Variants in RAP1B observed in about 807,000 individuals in gnomAD.
The protein encoded by RAP1B is RAP1B, member of RAS oncogene family.
In RAP1B, 1 loss-of-function variant was observed where a neutral mutation model predicts 27.5. That is an observed-to-expected ratio of 0.04 (90% CI 0.01 to 0.17). The LOEUF is 0.17. Ranked by LOEUF, RAP1B falls within the 10% of genes least tolerant of loss-of-function variation. The probability of loss-of-function intolerance (pLI) is 1.00; values close to 1 mark genes in which losing one functional copy is unlikely to be tolerated. For synonymous variants in RAP1B, 75 were observed against 73.1 expected, an observed-to-expected ratio of 1.03 and a Z score of -0.13; for missense variants, 84 against 214.8, an observed-to-expected ratio of 0.39 and a Z score of 3.81.
chr12:68,655,666 G>T (rs1348755314), intron 5 of RAP1B, among the ~76,000 whole-genome samples: 2 of 151,526 alleles, frequency 1.3e-5, no homozygotes, highest in African/African-American at 2.4e-5. Context: ...CTCCCAAGTA[G>T]CTGGAATTAC....
Position 68,664,711 on chromosome 12 carries a change from A to G in RAP1B, c.*5462A>G, listed in dbSNP as rs997673134. On this transcript the variant is annotated 3_prime_UTR_variant, in exon 8 of 8. Coordinates refer to ENST00000250559, the MANE Select transcript of RAP1B (RefSeq NM_001010942.3). ...GCAACAGAGTGAGACTGCAAAAAAA[A>G]GAAAAAGAAAAAAAAATCCAGTCTC... is the stretch of plus-strand genomic sequence containing the variant. 8 of 152,028 alleles carry G rather than the reference A, an allele frequency of 5.3e-5. No homozygotes were observed. Among genetic ancestry groups the G allele is most frequent in the African/African-American group, 1.9e-4 (8 of 41,382 alleles). The allele number at this position is 152,028 out of a possible 1,614,324, so 9.4% of individuals were successfully genotyped here.
chr12:68,618,086 C>CTTTTTTTTTT (rs36224976), intron 1 of RAP1B, among the ~76,000 whole-genome samples: 15 of 60,792 alleles, frequency 2.5e-4, no homozygotes, highest in South Asian at 1.1e-3. Context: ...TTCTATAAAG[C>CTTTTTTTTTT]TTTTTTTTTT....
intron 1 of RAP1B, among the ~76,000 whole-genome samples, chr12:68,638,294 GTAT>G (rs1872763043): frequency 6.6e-6 from 1 of 151,962 alleles, no homozygotes; most frequent in Non-Finnish European, 1.5e-5. Flanking sequence ...TTTATTTGTG[GTAT>G]TATTTGAAGA....
At chr12:68,653,880 G>A (rs913407800) in intron 4 of RAP1B, among the ~76,000 whole-genome samples, 1 of 151,772 alleles carries the variant, frequency 6.6e-6, no homozygotes, top group Admixed American at 6.6e-5. Flanking sequence ...GCAGTGAGCC[G>A]AGGTCGCGCC....
chr12:68,668,293 T>C lies in RAP1B; in HGVS notation c.*9044T>C, dbSNP rs1038724862. 3.9e-5 allele frequency: 6 copies of C among 152,232 alleles called. No individual in the cohort carries two copies. Among genetic ancestry groups the C allele is most frequent in the African/African-American group, 1.4e-4 (6 of 41,460 alleles). The allele number at this position is 152,232 out of a possible 1,614,324, so 9.4% of individuals were successfully genotyped here. A position where few individuals can be genotyped will look rare whatever the true frequency, so the allele number is the denominator to read the frequency against. ...TTTACAGTGCCACTACCTACCTCCATACTGTATCAGAGGAGCCAGTTGCAC... is the reference window on the plus strand; with the variant it reads ...TTTACAGTGCCACTACCTACCTCCACACTGTATCAGAGGAGCCAGTTGCAC... On this transcript the variant is annotated 3_prime_UTR_variant, in exon 8 of 8. Coordinates refer to ENST00000250559, the MANE Select transcript of RAP1B (RefSeq NM_001010942.3).
At chr12:68,626,102 G>A (rs939991609) in intron 1 of RAP1B, among the ~76,000 whole-genome samples, 23 of 152,146 alleles carry the variant, frequency 1.5e-4, no homozygotes, top group African/African-American at 5.6e-4. Context: ...GAAACAGACT[G>A]TAAAATCATG....
rs1303119542 is a variant in RAP1B, at chr12:68,649,599, C to A, written c.58-801C>A. 2.0e-5 allele frequency: 3 copies of A among 152,242 alleles called. No homozygotes were observed. The East Asian group carries it at 5.8e-4, about 29-fold the overall frequency. 9.4% of individuals were successfully genotyped at this position (152,242 alleles called of 1,614,324 possible). On this transcript the variant is annotated intron_variant, in intron 2 of 7. Transcript: ENST00000250559. Reference sequence around the variant, plus strand: ...AAAGCCTCACAAGCAAATAGATTGACCTTCTGTCTCACTCATAAGATAAAC... The same window carrying A: ...AAAGCCTCACAAGCAAATAGATTGAACTTCTGTCTCACTCATAAGATAAAC...
chr12:68,624,038 A>AG (rs549428372), intron 1 of RAP1B, among the ~76,000 whole-genome samples: 124 of 152,042 alleles, frequency 8.2e-4, no homozygotes, highest in East Asian at 3.3e-3. Context: ...AAAAAAAAAA[A>AG]AGAGAGAGAG....
At chr12:68,615,584 CAAA>C (rs570915847) in intron 1 of RAP1B, among the ~76,000 whole-genome samples, 1 of 132,432 alleles carries the variant, frequency 7.6e-6, no homozygotes, top group East Asian at 2.2e-4. Flanking sequence ...GTGAGACTGT[CAAA>C]AAAAAAAAAA....
Position 68,671,142 on chromosome 12 carries a change from C to T in RAP1B, c.*11893C>T, listed in dbSNP as rs980090675. Reference sequence around the variant, plus strand: ...AATGGCCCATCAACATAAAAAGATGCTCTAACTGTAGCCAGAGAAATACGA... The same window carrying T: ...AATGGCCCATCAACATAAAAAGATGTTCTAACTGTAGCCAGAGAAATACGA... On this transcript the variant is annotated 3_prime_UTR_variant, in exon 8 of 8. Transcript: ENST00000250559. 6.6e-6 allele frequency: 1 copy of T among 151,548 alleles called. No homozygotes were observed. Among genetic ancestry groups the T allele is most frequent in the Non-Finnish European group, 1.5e-5 (1 of 67,964 alleles). The allele number at this position is 151,548 out of a possible 1,614,324, so 9.4% of individuals were successfully genotyped here. A position where few individuals can be genotyped will look rare whatever the true frequency, so the allele number is the denominator to read the frequency against.
chr12:68,641,497 A>C (rs1332766124), intron 1 of RAP1B, among the ~76,000 whole-genome samples: 1 of 152,238 alleles, frequency 6.6e-6, no homozygotes, highest in African/African-American at 2.4e-5. Context: ...CTGTAGAGTA[A>C]ATGGAAAAAG....
intron 1 of RAP1B, among the ~76,000 whole-genome samples, chr12:68,625,767 C>T (rs1383771898): frequency 1.3e-5 from 2 of 151,988 alleles, no homozygotes; most frequent in South Asian, 2.1e-4. Context: ...ACTAAAAATA[C>T]AAAAATTAGC....
intron 3 of RAP1B, 172 bp downstream of exon 3, chr12:68,650,640 T>TA: frequency 3.8e-6 from 2 of 532,840 alleles, no homozygotes; most frequent in Non-Finnish European, 5.8e-6. Flanking sequence ...AAGAGGATCA[T>TA]AAACACCCAT....
intron 1 of RAP1B, among the ~76,000 whole-genome samples, chr12:68,634,086 A>T (rs1038619834): frequency 3.9e-5 from 6 of 152,208 alleles, no homozygotes; most frequent in African/African-American, 1.4e-4. Context: ...AGAAGAATCC[A>T]TGACAACTCC....
At position 68,656,465 on chromosome 12, in the gene RAP1B, C is replaced by T. The variant is rs1295797310; in HGVS notation, c.468+16C>T. On this transcript the variant is annotated intron_variant, in intron 6 of 7. Coordinates refer to ENST00000250559, the MANE Select transcript of RAP1B (RefSeq NM_001010942.3). ...TGTTAATGAGGTATGGTCAAATATA[C>T]TTAAAATGGGTCTTCATTTGAAGTA... 1.9e-6 allele frequency: 3 copies of T among 1,596,204 alleles called. No homozygotes were observed. Among genetic ancestry groups the T allele is most frequent in the Non-Finnish European group, 2.6e-6 (3 of 1,164,354 alleles).
intron 1 of RAP1B, among the ~76,000 whole-genome samples, chr12:68,638,359 A>G (rs1872766770): frequency 6.6e-6 from 1 of 152,204 alleles, no homozygotes; most frequent in African/African-American, 2.4e-5. Flanking sequence ...ATTTTTAGTT[A>G]CATGGCTTTT....
At chr12:68,634,063 ATGGAG>A (rs1404914819) in intron 1 of RAP1B, among the ~76,000 whole-genome samples, 1 of 152,306 alleles carries the variant, frequency 6.6e-6, no homozygotes, top group East Asian at 1.9e-4. Context: ...AGACTTGATA[ATGGAG>A]TGAAGAGAGA....
At chr12:68,613,793 G>A (rs1394461702) in intron 1 of RAP1B, among the ~76,000 whole-genome samples, 1 of 152,170 alleles carries the variant, frequency 6.6e-6, no homozygotes, top group Non-Finnish European at 1.5e-5. Context: ...TTCAAAGAGA[G>A]GATATTTGAA....
chr12:68,645,721 G>T (rs1873355960), intron 1 of RAP1B, among the ~76,000 whole-genome samples: 1 of 152,258 alleles, frequency 6.6e-6, no homozygotes, highest in African/African-American at 2.4e-5. Flanking sequence ...CAGTCAGTCA[G>T]AGTTGGCATT....
Sources: allele counts gnomAD v4.1 joint callset (sites outside exome capture counted in the v4.1 genomes callset), GRCh38; gene constraint gnomAD v4.1.1; transcripts MANE v1.5; gene names NCBI Gene and HGNC (gene_info 2026-07-23, HGNC 2026-07-21).